Variants in EDNRB observed in about 807,000 individuals in gnomAD.
The protein encoded by EDNRB is Hirschsprung disease 2.
A neutral mutation model predicts 46.4 loss-of-function variants in EDNRB; 18 were observed. The observed-to-expected ratio is 0.39, with a 90% confidence interval of 0.27 to 0.57. The LOEUF (loss-of-function observed/expected upper bound fraction) is 0.57. Ranked by LOEUF, EDNRB falls within the 20% of genes least tolerant of loss-of-function variation. EDNRB has a pLI of 0.61. For synonymous variants in EDNRB, 213 were observed against 204.9 expected, an observed-to-expected ratio of 1.04 and a Z score of -0.34; for missense variants, 434 against 537.5, an observed-to-expected ratio of 0.81 and a Z score of 1.90.
At chr13:77,904,661 T>C (rs1167372291) in intron 1 of EDNRB, among the ~76,000 whole-genome samples, 1 of 152,004 alleles carries the variant, frequency 6.6e-6, no homozygotes, top group Non-Finnish European at 1.5e-5. Flanking sequence ...TTTATCTGAC[T>C]GCAGACTATG....
chr13:77,913,869 C>A (rs1204238346), intron 1 of EDNRB, among the ~76,000 whole-genome samples: 1 of 152,076 alleles, frequency 6.6e-6, no homozygotes, highest in Non-Finnish European at 1.5e-5. Flanking sequence ...ATCTAGATTA[C>A]CCCATTTATT....
intron 1 of EDNRB, among the ~76,000 whole-genome samples, chr13:77,925,001 A>G (rs1416312241): frequency 1.3e-5 from 2 of 152,340 alleles, no homozygotes; most frequent in East Asian, 1.9e-4. Context: ...TATCCCAGAT[A>G]TATGTTTATC....
upstream of EDNRB, among the ~76,000 whole-genome samples, chr13:77,920,943 C>G (rs528581483): frequency 1.3e-5 from 2 of 152,138 alleles, no homozygotes; most frequent in African/African-American, 4.8e-5. Flanking sequence ...ACTTTTCTCT[C>G]TCCCCACTGG....
chr13:77,927,559 A>AT, intron 1 of EDNRB, among the ~76,000 whole-genome samples: 1 of 152,290 alleles, frequency 6.6e-6, no homozygotes, highest in East Asian at 1.9e-4. Flanking sequence ...GTGTATTCAT[A>AT]TTTTTCCAAT....
At chr13:77,938,311 CA>C (rs1880628868) in intron 1 of EDNRB, among the ~76,000 whole-genome samples, 1 of 150,892 alleles carries the variant, frequency 6.6e-6, no homozygotes, top group Non-Finnish European at 1.5e-5. Context: ...TTAGAGGTCA[CA>C]GCAGAGAAAT....
intron 1 of EDNRB, among the ~76,000 whole-genome samples, chr13:77,909,185 T>G (rs1459485965): frequency 2.0e-5 from 3 of 152,034 alleles, no homozygotes; most frequent in Non-Finnish European, 4.4e-5. Context: ...GACCGTGATT[T>G]TATAACTTTA....
chr13:77,946,992 T>C (rs1420761121), intron 1 of EDNRB, among the ~76,000 whole-genome samples: 1 of 152,198 alleles, frequency 6.6e-6, no homozygotes, highest in East Asian at 1.9e-4. Flanking sequence ...GGATTAAGAA[T>C]GAAATCTATG....
intron 3 of EDNRB, 65 bp downstream of exon 3, chr13:77,903,091 G>C (rs1879081687): frequency 1.3e-6 from 2 of 1,555,600 alleles, no homozygotes; most frequent in Non-Finnish European, 1.8e-6. Context: ...GTGGGGAACA[G>C]GGGAAAAATA....
At chr13:77,946,867 T>C (rs1045362936) in intron 1 of EDNRB, among the ~76,000 whole-genome samples, 3 of 152,220 alleles carry the variant, frequency 2.0e-5, no homozygotes, top group Non-Finnish European at 2.9e-5. Flanking sequence ...CCTAGACAGT[T>C]TCAAGTTTAT....
chr13:77,969,980 CT>C lies in EDNRB; in HGVS notation c.-52+5366del, dbSNP rs538927118. ...TTGAAAAAACTTGGTTTTCCTTGAC[CT>C]GTGCAAAATTGGTTGGAATGTTTCT... On this transcript the variant is annotated intron_variant, in intron 1 of 7. Coordinates refer to the EDNRB transcript ENST00000646948. 1.3e-3 allele frequency among the ~76,000 whole-genome samples: 199 copies of C among 152,138 alleles called. 3 individuals are homozygous for C. Among genetic ancestry groups the C allele is most frequent in the Non-Finnish European group, 3.8e-4 (26 of 68,032 alleles).
Position 77,897,001 on chromosome 13 carries a change from C to T in EDNRB, c.*1199G>A. On this transcript the variant is annotated 3_prime_UTR_variant, in exon 7 of 7. Coordinates refer to ENST00000646607, the MANE Select transcript of EDNRB (RefSeq NM_001122659.3). ...AAATAATACAAAAATTAGTAATAAG[C>T]TTTACAGGTAGCTGTTAAATGTACT... The T allele has an allele frequency of 1.0e-6, 1 of 990,630 alleles. No homozygotes were observed. Among genetic ancestry groups the T allele is most frequent in the Non-Finnish European group, 1.2e-6 (1 of 833,636 alleles). 61.4% of individuals were successfully genotyped at this position (990,630 alleles called of 1,614,324 possible).
chr13:77,913,089 C>A (rs1879651258), intron 1 of EDNRB, among the ~76,000 whole-genome samples: 1 of 151,976 alleles, frequency 6.6e-6, no homozygotes, highest in Non-Finnish European at 1.5e-5. Context: ...TGTTAAGTAC[C>A]AGAAGTAGTC....
chr13:77,969,653 C>A (rs1881674110), intron 1 of EDNRB, among the ~76,000 whole-genome samples: 1 of 152,136 alleles, frequency 6.6e-6, no homozygotes, highest in African/African-American at 2.4e-5. Flanking sequence ...TCATGAGGAA[C>A]CCTTATCCTA....
chr13:77,908,809 G>C (rs1438087871), intron 1 of EDNRB, among the ~76,000 whole-genome samples: 2 of 152,084 alleles, frequency 1.3e-5, no homozygotes, highest in Non-Finnish European at 2.9e-5. Context: ...AGGGTGTTTA[G>C]AGTTTAATAT....
At chr13:77,953,559 T>C (rs1159943657) in intron 1 of EDNRB, among the ~76,000 whole-genome samples, 2 of 152,120 alleles carry the variant, frequency 1.3e-5, no homozygotes, top group Non-Finnish European at 2.9e-5. Flanking sequence ...CTACTATCTG[T>C]TGGGTTAGAG....
chr13:77,933,290 G>T (rs1736088080), intron 1 of EDNRB, among the ~76,000 whole-genome samples: 1 of 152,174 alleles, frequency 6.6e-6, no homozygotes, highest in Non-Finnish European at 1.5e-5. Context: ...TTAATCACCT[G>T]GGTGCAGGCA....
At chr13:77,899,300 A>C (rs895639450) in intron 6 of EDNRB, among the ~76,000 whole-genome samples, 2 of 151,934 alleles carry the variant, frequency 1.3e-5, no homozygotes, top group Non-Finnish European at 2.9e-5. Flanking sequence ...TTGTTGAAGG[A>C]GTGAATGAAT....
upstream of EDNRB, among the ~76,000 whole-genome samples, chr13:77,921,117 T>G (rs1880074842): frequency 6.6e-6 from 1 of 152,224 alleles, no homozygotes; most frequent in South Asian, 2.1e-4. Flanking sequence ...TATGGGTCAC[T>G]ATTGATTTCG....
chr13:77,920,735 C>A (rs1880061951), upstream of EDNRB, among the ~76,000 whole-genome samples: 1 of 152,216 alleles, frequency 6.6e-6, no homozygotes, highest in Admixed American at 6.5e-5. Flanking sequence ...GAATTGCAGT[C>A]CTTATCCTCC....
Sources: allele counts gnomAD v4.1 joint callset (sites outside exome capture counted in the v4.1 genomes callset), GRCh38; gene constraint gnomAD v4.1.1; transcripts MANE v1.5; gene names NCBI Gene and HGNC (gene_info 2026-07-23, HGNC 2026-07-21).